CHSY1: variants seen among roughly 807,000 people sequenced by gnomAD.
CHSY1 encodes N-acetylgalactosaminyl-proteoglycan 3-beta-glucuronosyltransferase 1.
Under a neutral mutation model 59.8 loss-of-function variants are expected in CHSY1, and 13 were observed. The ratio of observed to expected loss-of-function variants is 0.22; its 90% CI spans 0.14 to 0.35. The LOEUF (loss-of-function observed/expected upper bound fraction) is 0.35, where lower values mean the gene tolerates loss of function less well. Ranked by LOEUF, CHSY1 falls within the 10% of genes least tolerant of loss-of-function variation. The pLI, the probability that CHSY1 is intolerant of heterozygous loss-of-function variation, is 1.00. For synonymous variants in CHSY1, 459 were observed against 401.2 expected (o/e 1.14, Z -1.72); for missense variants, 947 against 1,030.6 (o/e 0.92, Z 1.11).
chr15:101,199,650 A>G (rs778938285), intron 2 of CHSY1, among the ~76,000 whole-genome samples: 2 of 152,268 alleles, frequency 1.3e-5, no homozygotes, highest in Non-Finnish European at 2.9e-5. Flanking sequence ...TTTTCTGAAA[A>G]GCAACTTCAA....
chr15:101,249,567 G>A (rs1352773076), intron 1 of CHSY1, among the ~76,000 whole-genome samples: 4 of 144,210 alleles, frequency 2.8e-5, no homozygotes, highest in Non-Finnish European at 4.5e-5. Flanking sequence ...AGGCTGGAGT[G>A]CAGTGGCATG....
At chr15:101,213,465 G>C (rs1381645227) in intron 2 of CHSY1, among the ~76,000 whole-genome samples, 4 of 152,178 alleles carry the variant, frequency 2.6e-5, no homozygotes, top group Non-Finnish European at 5.9e-5. Flanking sequence ...CAAATAATAA[G>C]TACGGTACAA....
At chr15:101,180,362 C>T (rs1596421651) in intron 2 of CHSY1, among the ~76,000 whole-genome samples, 2 of 152,298 alleles carry the variant, frequency 1.3e-5, no homozygotes, top group Admixed American at 1.3e-4. Context: ...TTCCAACTTT[C>T]CTTCCCACAC....
chr15:101,236,968 C>G (rs2038950164), intron 1 of CHSY1, among the ~76,000 whole-genome samples: 1 of 151,710 alleles, frequency 6.6e-6, no homozygotes, highest in Non-Finnish European at 1.5e-5. Flanking sequence ...GCCTGTAATC[C>G]CAGCACTTTA....
intron 2 of CHSY1, among the ~76,000 whole-genome samples, chr15:101,219,788 T>C (rs753755865): frequency 5.3e-5 from 8 of 152,344 alleles, no homozygotes; most frequent in East Asian, 1.9e-4. Context: ...TTTCTTGAGA[T>C]GGAGTTTCGC....
At chr15:101,188,995 C>T (rs1374155758) in intron 2 of CHSY1, among the ~76,000 whole-genome samples, 2 of 152,148 alleles carry the variant, frequency 1.3e-5, no homozygotes, top group Non-Finnish European at 2.9e-5. Context: ...AGGATGAATA[C>T]ATGCAGAACC....
intron 2 of CHSY1, among the ~76,000 whole-genome samples, chr15:101,183,015 G>GTGT (rs149149924): frequency 0.025 from 3,781 of 152,242 alleles, 146 homozygotes; most frequent in African/African-American, 0.087. Flanking sequence ...AGGGAAGACA[G>GTGT]TGCAACCAAA....
chr15:101,246,380 G>A (rs1388185194), intron 1 of CHSY1, among the ~76,000 whole-genome samples: 5 of 132,362 alleles, frequency 3.8e-5, no homozygotes, highest in South Asian at 2.4e-4. Context: ...TAATCAAAAC[G>A]TTGATTAAAA....
In CHSY1 at chr15:101,178,645, C is replaced by G. The variant is rs149429037; in HGVS notation, c.1152G>C (p.Leu384Phe). 538 of 1,614,096 alleles carry G rather than the reference C, an allele frequency of 3.3e-4. 2 individuals are homozygous for G. The highest frequency in any genetic ancestry group is 4.2e-4 in the Non-Finnish European group (490 of 1,180,040). Residue 384 changes from leucine to phenylalanine, a missense_variant, in exon 3 of 3, where the codon TTG becomes TTC. Transcript: ENST00000254190. ...GGGGCTGGCCGTCAACTGCCGAATA[C>G]AAGTATTTTCCAGTCAGAAACTCCC... ...LEWEFLTGKY[L>F]YSAVDGQPPR...
At chr15:101,211,772 A>G (rs948629989) in intron 2 of CHSY1, among the ~76,000 whole-genome samples, 2 of 152,170 alleles carry the variant, frequency 1.3e-5, no homozygotes, top group African/African-American at 4.8e-5. Context: ...AGAAAAAACA[A>G]TACGACTTGA....
At chr15:101,192,424 C>T (rs1372934467) in intron 2 of CHSY1, among the ~76,000 whole-genome samples, 1 of 151,794 alleles carries the variant, frequency 6.6e-6, no homozygotes, top group Non-Finnish European at 1.5e-5. Context: ...CCCATCCCTA[C>T]CCCCACCTCC....
intron 2 of CHSY1, among the ~76,000 whole-genome samples, chr15:101,201,814 T>G (rs1045167227): frequency 6.6e-6 from 1 of 152,194 alleles, no homozygotes; most frequent in Non-Finnish European, 1.5e-5. Context: ...GGCTGTTACC[T>G]TCCACCTTTC....
intron 2 of CHSY1, among the ~76,000 whole-genome samples, chr15:101,227,425 T>C (rs1344648475): frequency 6.6e-6 from 1 of 152,168 alleles, no homozygotes; most frequent in African/African-American, 2.4e-5. Context: ...AATTGTTGAA[T>C]GCAGCACTGC....
chr15:101,195,699 C>G (rs1367560173), intron 2 of CHSY1, among the ~76,000 whole-genome samples: 1 of 151,808 alleles, frequency 6.6e-6, no homozygotes, highest in East Asian at 1.9e-4. Context: ...GTGGCGGGTG[C>G]CTGTAGTCCT....
intron 2 of CHSY1, among the ~76,000 whole-genome samples, chr15:101,205,232 C>G (rs1363715785): frequency 6.6e-6 from 1 of 152,004 alleles, no homozygotes; most frequent in Non-Finnish European, 1.5e-5. Flanking sequence ...ATTTCTGTCT[C>G]TAATTCATCC....
At chr15:101,242,040 TTTA>T (rs141097335) in intron 1 of CHSY1, among the ~76,000 whole-genome samples, 327 of 152,336 alleles carry the variant, frequency 2.1e-3, no homozygotes, top group African/African-American at 7.6e-3. Flanking sequence ...TTGTATTGTT[TTTA>T]TTATTGTTAT....
intron 1 of CHSY1, among the ~76,000 whole-genome samples, 194 bp downstream of exon 1, chr15:101,250,943 T>A (rs1015106817): frequency 1.7e-4 from 26 of 152,334 alleles, no homozygotes; most frequent in African/African-American, 4.6e-4. Context: ...GCCATGTTCC[T>A]GAGCGCCGCG....
At chr15:101,192,667 G>A (rs954930314) in intron 2 of CHSY1, among the ~76,000 whole-genome samples, 2 of 129,312 alleles carry the variant, frequency 1.5e-5, no homozygotes, top group South Asian at 2.5e-4. Flanking sequence ...CGCCTCCCTC[G>A]TGGCTCCACA....
chr15:101,220,777 C>T (rs993764639), intron 2 of CHSY1, among the ~76,000 whole-genome samples: 8 of 152,244 alleles, frequency 5.3e-5, no homozygotes, highest in Non-Finnish European at 7.3e-5. Context: ...ACTCAGCTTC[C>T]GTGTTTTCTC....
Sources: gnomAD v4.1 joint callset for allele counts (sites outside exome capture counted in the v4.1 genomes callset) on GRCh38, gnomAD v4.1.1 for gene constraint, MANE v1.5 for transcripts, NCBI Gene and HGNC (gene_info 2026-07-23, HGNC 2026-07-21) for gene names.